The following HRC variants were observed in gnomAD, a reference collection of about 807,000 sequenced individuals.
HRC encodes histidine rich calcium binding protein, also known as sarcoplasmic reticulum histidine-rich calcium-binding protein.
A neutral mutation model predicts 61.4 loss-of-function variants in HRC; 41 were observed. The ratio of observed to expected loss-of-function variants is 0.67; its 90% confidence interval spans 0.52 to 0.87. HRC has a LOEUF of 0.87. HRC is among the 40% of genes least tolerant of loss of function. The probability of loss-of-function intolerance (pLI) is 0.00; values close to 1 mark genes in which losing one functional copy is unlikely to be tolerated. For missense variants in HRC, 839 were observed against 885.8 expected, an observed-to-expected ratio of 0.95 and a Z score of 0.67; for synonymous variants, 308 against 326.6, an observed-to-expected ratio of 0.94 and a Z score of 0.62.
In HRC at chr19:49,152,352, G is replaced by A. The variant is rs1233385674; in HGVS notation, c.1929C>T (p.His643=). Residue 643 remains histidine (H), a synonymous_variant, in exon 3 of 6, where the codon CAC becomes CAT. Transcript: ENST00000252825. ...GCTCACCCATGTTCTCCTCATCACA[G>A]TGACAGCTCTCACATTCAGTGCATC... ...CNRCTECESC[H]CDEENMGEHC... 2 of 1,613,672 alleles carry A rather than the reference G, an allele frequency of 1.2e-6. No homozygotes were observed. Among genetic ancestry groups the A allele is most frequent in the Non-Finnish European group, 1.7e-6 (2 of 1,179,948 alleles).
At position 49,153,600 on chromosome 19, in the gene HRC, TTCCTCC is replaced by T. The variant is rs375463350; in HGVS notation, c.1632_1637del (p.Glu546_Glu547del). The stretch of plus-strand genomic sequence containing the variant: ...TCTCTTCCCTCCTCTCCTCGTCTTC[TTCCTCC>T]TCCTCCTCCTCCTTGTCTTCCTCTT... On this transcript the variant is annotated inframe_deletion, in exon 1 of 6. Coordinates refer to ENST00000252825, the MANE Select transcript of HRC (RefSeq NM_002152.3). This position sits in a 1 kb window ranked among gnomAD's most constrained non-coding sequence, Gnocchi z 4.8. 16 of 1,526,500 alleles carry T rather than the reference TTCCTCC, an allele frequency of 1.0e-5. No homozygotes were observed. Among genetic ancestry groups the T allele is most frequent in the Non-Finnish European group, 1.4e-5 (15 of 1,108,808 alleles). 94.6% of individuals were successfully genotyped at this position (1,526,500 alleles called of 1,614,324 possible).
rs781752738 is a variant in HRC, at chr19:49,153,593, C to T, written c.1645G>A (p.Glu549Lys). 5.2e-6 allele frequency: 8 copies of T among 1,532,314 alleles called. No homozygotes were observed. The highest frequency in any genetic ancestry group is 2.3e-5 in the South Asian group (2 of 86,130). The allele number at this position is 1,532,314 out of a possible 1,614,324, so 94.9% of individuals were successfully genotyped here. Residue 549 changes from glutamate to lysine, a missense_variant, in exon 1 of 6, where the codon GAG becomes AAG. Transcript: ENST00000252825. This position sits in a 1 kb window ranked among gnomAD's most constrained non-coding sequence, Gnocchi z 4.8. The part of the protein sequence containing the change: ...DKEEEEEEED[E>K]ERREERAEVG... ...TCAGCCCTCTCTTCCCTCCTCTCCTCGTCTTCTTCCTCCTCCTCCTCCTCC... is the reference window on the plus strand; with the variant it reads ...TCAGCCCTCTCTTCCCTCCTCTCCTTGTCTTCTTCCTCCTCCTCCTCCTCC...
chr19:49,152,461 G>A, intron 2 of HRC, 83 bp from the exon 3 acceptor site: 1 of 1,134,168 alleles, frequency 8.8e-7, no homozygotes, highest in South Asian at 1.4e-5. Flanking sequence ...CTGCACCCTG[G>A]ACGCTTCCCC....
rs1252810452 is a variant in HRC, at chr19:49,154,739, C to T, written c.499G>A (p.Glu167Lys). The stretch of plus-strand genomic sequence containing the variant: ...TGGTGATGCTCACTGGACACAACTT[C>T]ATCCTCATCCTCGTCTTGATGGCTG... The part of the protein sequence containing the change: ...SHSHQDEDED[E>K]VVSSEHHHHI... The change falls in exon 1 of 6, where the codon GAA becomes AAA. Residue 167 changes from glutamate (E) to lysine (K), a missense_variant. By Grantham distance (56) the Glu-to-Lys change is moderately conservative. Coordinates refer to ENST00000252825, the MANE Select transcript of HRC (RefSeq NM_002152.3). 1.2e-6 allele frequency: 2 copies of T among 1,614,188 alleles called. No homozygotes were observed. The highest frequency in any genetic ancestry group is 1.7e-5 in the Admixed American group (1 of 60,020).
rs140510206 is a variant in HRC at position 49,153,426 on chromosome 19, C to T, written c.1812G>A (p.Glu604=). The T allele has an allele frequency of 7.5e-6, 12 of 1,610,072 alleles. No homozygotes were observed. In the African/African-American group the frequency reaches 1.2e-4, roughly 16 times the overall value. Residue 604 remains glutamate (E), a synonymous_variant, in exon 1 of 6, where the codon GAG becomes GAA. Coordinates refer to ENST00000252825, the MANE Select transcript of HRC (RefSeq NM_002152.3). The surrounding 1 kb of genome is among the most constrained non-coding windows in gnomAD (Gnocchi z 4.8). ...REEAGGASSE[E]ESGEDTGPQD... ...ACTTACCTGTGTCCTCACCGCTTTC[C>T]TCCTCGCTGGAGGCACCTCCAGCCT...
rs752602394 is a variant in HRC, at chr19:49,152,339, TCTC to T, written c.1939_1941del (p.Glu647del). On this transcript the variant is annotated inframe_deletion, in exon 3 of 6. Transcript: ENST00000252825. ...CACTGGTCGCAGTGCTCACCCATGT[TCTC>T]CTCATCACAGTGACAGCTCTCACAT... is the stretch of plus-strand genomic sequence containing the variant. The T allele has an allele frequency of 1.4e-5, 23 of 1,613,488 alleles. No individual in the cohort carries two copies. Among genetic ancestry groups the T allele is most frequent in the Middle Eastern group, 3.3e-4 (2 of 6,080 alleles).
In HRC at chr19:49,155,130, G is replaced by A. The variant is rs760870417; in HGVS notation, c.108C>T (p.Gly36=). The A allele has an allele frequency of 1.2e-5, 19 of 1,613,624 alleles. No individual in the cohort carries two copies. The South Asian group carries it at 2.0e-4, about 17-fold the overall frequency. Residue 36 remains glycine, a synonymous_variant, in exon 1 of 6, where the codon GGC becomes GGT. Transcript: ENST00000252825. This position sits in a 1 kb window ranked among gnomAD's most constrained non-coding sequence, Gnocchi z 4.7. ...CAGTGCTGTTGTTCCGGTTTCTGAA[G>A]CCTAGCCCATCCCCTCTGAGCTGCT... ...MTQQLRGDGL[G]FRNRNNSTGV...
rs1422844610 is a variant in HRC, at chr19:49,152,304, T to G, written c.1971+6A>C. The G allele has an allele frequency of 1.2e-6, 2 of 1,603,356 alleles. No individual in the cohort carries two copies. The highest frequency in any genetic ancestry group is 8.5e-7 in the Non-Finnish European group (1 of 1,171,370). On this transcript the variant is annotated splice_donor_region_variant and intron_variant, in intron 3 of 5. Transcript: ENST00000252825. ...GTGGAGCCTTGAGTGTGAGGTGAGG[T>G]CTCACCTGGCACTGGTCGCAGTGCT...
At chr19:49,152,482 C>G in intron 2 of HRC, 104 bp from the exon 3 acceptor site, 1 of 822,914 alleles carries the variant, frequency 1.2e-6, no homozygotes, top group East Asian at 2.6e-5. Context: ...AGACTCTACC[C>G]TCTTTATCTC....
Position 49,153,562 on chromosome 19 carries a change from C to G in HRC, c.1676G>C (p.Gly559Ala). Residue 559 changes from glycine to alanine, a missense_variant, in exon 1 of 6, where the codon GGG becomes GCG. Transcript: ENST00000252825. This position sits in a 1 kb window ranked among gnomAD's most constrained non-coding sequence, Gnocchi z 4.8. The part of the protein sequence containing the change: ...EERREERAEV[G>A]APLSPDHSEE... ...GCTGTGGTCTGGGCTCAGTGGGGCC[C>G]CAACCTCAGCCCTCTCTTCCCTCCT... The G allele has an allele frequency of 1.3e-6, 2 of 1,555,636 alleles. No individual in the cohort carries two copies. The highest frequency in any genetic ancestry group is 1.8e-6 in the Non-Finnish European group (2 of 1,142,274).
chr19:49,153,440 C>T lies in HRC; in HGVS notation c.1798G>A (p.Ala600Thr). The T allele has an allele frequency of 6.2e-7, 1 of 1,606,436 alleles. No individual in the cohort carries two copies. The highest frequency in any genetic ancestry group is 8.5e-7 in the Non-Finnish European group (1 of 1,174,966). The stretch of plus-strand genomic sequence containing the variant: ...TCACCGCTTTCCTCCTCGCTGGAGG[C>T]ACCTCCAGCCTCCTCTCTCCTGTCC... ...PLDRREEAGG[A>T]SSEEESGEDT... Residue 600 changes from alanine to threonine, a missense_variant, in exon 1 of 6, where the codon GCC (alanine) becomes ACC (threonine). Transcript: ENST00000252825. This position sits in a 1 kb window ranked among gnomAD's most constrained non-coding sequence, Gnocchi z 4.8.
chr19:49,155,011 G>A lies in HRC; in HGVS notation c.227C>T (p.Thr76Ile), dbSNP rs532514821. ...DHPDENKDVS[T>I]ENGHHFWSHP... ...GCTCCAGAAATGATGCCCATTCTCTGTGGAAACATCCTTGTTCTCATCTGG... is the reference window on the plus strand; with the variant it reads ...GCTCCAGAAATGATGCCCATTCTCTATGGAAACATCCTTGTTCTCATCTGG... The change falls in exon 1 of 6, where the codon ACA (threonine) becomes ATA (isoleucine). Residue 76 changes from threonine (T) to isoleucine (I), a missense_variant. Coordinates refer to ENST00000252825, the MANE Select transcript of HRC (RefSeq NM_002152.3). The surrounding 1 kb of genome is among the most constrained non-coding windows in gnomAD (Gnocchi z 4.7). 7.4e-6 allele frequency: 12 copies of A among 1,614,236 alleles called. No individual in the cohort carries two copies. The highest frequency in any genetic ancestry group is 1.1e-5 in the South Asian group (1 of 91,088).
rs756060568 is a variant in HRC, at chr19:49,154,085, C to G, written c.1153G>C (p.Val385Leu). 1.2e-6 allele frequency: 2 copies of G among 1,614,180 alleles called. No homozygotes were observed. Among genetic ancestry groups the G allele is most frequent in the South Asian group, 2.2e-5 (2 of 91,062 alleles). Residue 385 changes from valine to leucine, a missense_variant, in exon 1 of 6, where the codon GTC becomes CTC. By Grantham distance (32) the Val-to-Leu change is conservative. Transcript: ENST00000252825. ...CTTGCAACATAGTGGCCGAACTGGACTGTGATCTCCTCTTCTTCCTCTTCC... is the reference window on the plus strand; with the variant it reads ...CTTGCAACATAGTGGCCGAACTGGAGTGTGATCTCCTCTTCTTCCTCTTCC... ...DEEEEEEEITVQFGHYVASHQ... is the reference protein window; with the variant it reads ...DEEEEEEEITLQFGHYVASHQ...
Position 49,153,707 on chromosome 19 carries a change from G to T in HRC, c.1531C>A (p.His511Asn), listed in dbSNP as rs1568445293. Reference protein sequence around the residue: ...SSEQGEKGTHHGSRDQEDEED... With the variant: ...SSEQGEKGTHNGSRDQEDEED... ...TCATCTTCCTGGTCCCGGCTGCCATGATGGGTGCCTTTCTCTCCCTGCTCT... is the reference window on the plus strand; with the variant it reads ...TCATCTTCCTGGTCCCGGCTGCCATTATGGGTGCCTTTCTCTCCCTGCTCT... The change falls in exon 1 of 6, where the codon CAT (histidine) becomes AAT (asparagine). Residue 511 changes from histidine (H) to asparagine (N), a missense_variant. Transcript: ENST00000252825. This position sits in a 1 kb window ranked among gnomAD's most constrained non-coding sequence, Gnocchi z 4.8. 6.2e-7 allele frequency: 1 copy of T among 1,613,866 alleles called. No individual in the cohort carries two copies. Among genetic ancestry groups the T allele is most frequent in the Non-Finnish European group, 8.5e-7 (1 of 1,179,902 alleles).
In HRC at chr19:49,154,416, T is replaced by C; in HGVS notation, c.822A>G (p.Gln274=). 6.3e-7 allele frequency: 1 copy of C among 1,588,854 alleles called. No individual in the cohort carries two copies. The highest frequency in any genetic ancestry group is 8.6e-7 in the Non-Finnish European group (1 of 1,161,522). ...IEYRHQAHRH[Q]GHGIEEDEDV... is the part of the protein sequence containing the mutation. ...CTTCATCCTCTTCAATCCCGTGGCC[T>C]TGGTGCCTGTGAGCCTGGTGTCTAT... is the stretch of plus-strand genomic sequence containing the variant. The change falls in exon 1 of 6, where the codon CAA becomes CAG. Residue 274 remains glutamine, a synonymous_variant. Transcript: ENST00000252825.
At chr19:49,152,513 GC>G in intron 2 of HRC, 135 bp from the exon 3 acceptor site, 1 of 601,616 alleles carries the variant, frequency 1.7e-6, no homozygotes, top group African/African-American at 1.9e-5. Context: ...CTCTGTATCT[GC>G]CCCCCAAACC....
chr19:49,153,856 A>G lies in HRC; in HGVS notation c.1382T>C (p.Met461Thr). The G allele has an allele frequency of 6.2e-7, 1 of 1,613,504 alleles. No homozygotes were observed. Among genetic ancestry groups the G allele is most frequent in the East Asian group, 2.2e-5 (1 of 44,848 alleles). The stretch of plus-strand genomic sequence containing the variant: ...TGTGTGTCCTGGGGGGTGATGGCTC[A>G]TCTCTTTGATGGACCCTCTTTGACC... Reference protein sequence around the residue: ...GHGQRGSIKEMSHHPPGHTVV... With the variant: ...GHGQRGSIKETSHHPPGHTVV... Residue 461 changes from methionine to threonine, a missense_variant, in exon 1 of 6, where the codon ATG becomes ACG. Transcript: ENST00000252825. This position sits in a 1 kb window ranked among gnomAD's most constrained non-coding sequence, Gnocchi z 4.8.
rs751919822 is a variant in HRC at position 49,152,334 on chromosome 19, C to T, written c.1947G>A (p.Met649Ile). 6.2e-7 allele frequency: 1 copy of T among 1,613,782 alleles called. No homozygotes were observed. Among genetic ancestry groups the T allele is most frequent in the Non-Finnish European group, 8.5e-7 (1 of 1,179,916 alleles). Residue 649 changes from methionine to isoleucine, a missense_variant, in exon 3 of 6, where the codon ATG becomes ATA. Physicochemically the swap from Met to Ile is conservative, Grantham distance 10. Coordinates refer to ENST00000252825, the MANE Select transcript of HRC (RefSeq NM_002152.3). ...CESCHCDEEN[M>I]GEHCDQCQHC... ...CCTGGCACTGGTCGCAGTGCTCACC[C>T]ATGTTCTCCTCATCACAGTGACAGC...
In HRC at chr19:49,151,514, T is replaced by A. The variant is rs745458186; in HGVS notation, c.2063+3A>T. ...TTTACACGCTCCCCTTTTACACACT[T>A]ACTGATAAAGGGACGAGGAGAAATA... On this transcript the variant is annotated splice_donor_region_variant and intron_variant, in intron 5 of 5. Transcript: ENST00000252825. 6.2e-7 allele frequency: 1 copy of A among 1,613,684 alleles called. No homozygotes were observed. Among genetic ancestry groups the A allele is most frequent in the Non-Finnish European group, 8.5e-7 (1 of 1,179,738 alleles).
Sources: allele counts gnomAD v4.1 joint callset, GRCh38; gene constraint gnomAD v4.1.1; non-coding constraint Gnocchi (gnomAD v3.1); transcripts MANE v1.5; gene names NCBI Gene and HGNC (gene_info 2026-07-23, HGNC 2026-07-21).